SLC24A4: variants seen among roughly 807,000 people sequenced by gnomAD.
The protein encoded by SLC24A4 is solute carrier family 24 member 4.
Under a neutral mutation model 79.0 loss-of-function variants are expected in SLC24A4, and 53 were observed. That is an observed-to-expected ratio of 0.67 (90% CI 0.54 to 0.84). The LOEUF is 0.84. SLC24A4 is among the 40% of genes least tolerant of loss of function. SLC24A4 has a pLI of 0.00. For missense variants in SLC24A4, 731 were observed against 822.0 expected (o/e 0.89, Z 1.35); for synonymous variants, 323 against 323.8 (o/e 1.00, Z 0.03).
intron 12 of SLC24A4, among the ~76,000 whole-genome samples, chr14:92,473,489 G>A (rs931533137): frequency 6.6e-6 from 1 of 152,232 alleles, no homozygotes; most frequent in Non-Finnish European, 1.5e-5. Flanking sequence ...GGATTGAAAA[G>A]CTCCTCCCTG....
intron 12 of SLC24A4, among the ~76,000 whole-genome samples, chr14:92,460,198 A>AAT (rs1213927846): frequency 6.6e-6 from 1 of 151,554 alleles, no homozygotes; most frequent in Non-Finnish European, 1.5e-5. Flanking sequence ...CCTGGGTTCA[A>AAT]ATCTCAGTTC....
chr14:92,440,657 A>G (rs1342292068), intron 4 of SLC24A4, among the ~76,000 whole-genome samples: 1 of 151,910 alleles, frequency 6.6e-6, no homozygotes, highest in Non-Finnish European at 1.5e-5. Flanking sequence ...ATCCCTAAGG[A>G]TAGAGGTGAG....
chr14:92,366,215 A>G (rs1595170623), intron 2 of SLC24A4, among the ~76,000 whole-genome samples: 1 of 152,144 alleles, frequency 6.6e-6, no homozygotes. Context: ...CCCTGGGAGC[A>G]CCCGAACCAA....
intron 2 of SLC24A4, among the ~76,000 whole-genome samples, chr14:92,338,597 A>G (rs975248726): frequency 5.9e-5 from 9 of 152,236 alleles, no homozygotes; most frequent in African/African-American, 2.2e-4. Context: ...CTCATTTCAC[A>G]CTACAAATGT....
rs774866159 is a variant in SLC24A4 at position 92,442,754 on chromosome 14, G to A, written c.520G>A (p.Val174Met). The change falls in exon 6 of 17, where the codon GTG becomes ATG. Residue 174 changes from valine to methionine, a missense_variant. Physicochemically the swap from Val to Met is conservative, Grantham distance 21 (BLOSUM62 1). Transcript: ENST00000532405. Reference protein sequence around the residue: ...THGDVGVGTIVGSAVFNILCI... With the variant: ...THGDVGVGTIMGSAVFNILCI... ...TGGGGACGTCGGGGTGGGCACCATC[G>A]TGGGCTCTGCTGTGTTCAACATCCT... is the stretch of plus-strand genomic sequence containing the variant. 64 of 1,614,032 alleles carry A rather than the reference G, an allele frequency of 4.0e-5. No homozygotes were observed. Among genetic ancestry groups the A allele is most frequent in the Non-Finnish European group, 4.9e-5 (58 of 1,180,012 alleles).
At chr14:92,358,403 C>A (rs1350966802) in intron 2 of SLC24A4, among the ~76,000 whole-genome samples, 1 of 152,140 alleles carries the variant, frequency 6.6e-6, no homozygotes, top group East Asian at 1.9e-4. Context: ...ATCGAATAAT[C>A]TATTATTTGC....
intron 10 of SLC24A4, among the ~76,000 whole-genome samples, chr14:92,449,514 C>T (rs910816806): frequency 1.3e-5 from 2 of 152,144 alleles, no homozygotes; most frequent in Non-Finnish European, 2.9e-5. Flanking sequence ...CTGGGAAAGG[C>T]GTAAGGCCTG....
In SLC24A4 at chr14:92,461,111, C is replaced by G. The variant is rs1413589137; in HGVS notation, c.1255+4503C>G. Among the ~76,000 whole-genome samples, 3 of 152,196 alleles carry G rather than the reference C, an allele frequency of 2.0e-5. No homozygotes were observed. The East Asian group carries it at 5.8e-4, about 29-fold the overall frequency. ...GCCGCAGCCCAGCTGGGAAAGTCTC[C>G]TGGTGCAGCTTGTTTGCTTGTTGTG... On this transcript the variant is annotated intron_variant, in intron 12 of 16. Coordinates refer to ENST00000532405, the MANE Select transcript of SLC24A4 (RefSeq NM_153646.4).
rs780928031 is a variant in SLC24A4 at position 92,453,886 on chromosome 14, G to C, written c.881-14G>C. ...CAGAGAGATCAGCACTAATCACGGT[G>C]TTGCGCTCAACAGTGAAGGAGAAGC... is the stretch of plus-strand genomic sequence containing the variant. On this transcript the variant is annotated splice_polypyrimidine_tract_variant and intron_variant, in intron 10 of 16. Coordinates refer to ENST00000532405, the MANE Select transcript of SLC24A4 (RefSeq NM_153646.4). The C allele has an allele frequency of 6.2e-7, 1 of 1,603,774 alleles. No homozygotes were observed. Among genetic ancestry groups the C allele is most frequent in the Non-Finnish European group, 8.5e-7 (1 of 1,175,410 alleles).
At chr14:92,474,735 ATACGTATATATACG>A (rs1419640923) in intron 12 of SLC24A4, among the ~76,000 whole-genome samples, 5 of 8,804 alleles carry the variant, frequency 5.7e-4, no homozygotes, top group Non-Finnish European at 2.9e-3. Context: ...ACACGTATAT[ATACGTATATATACG>A]TGTGTGTATA....
intron 2 of SLC24A4, among the ~76,000 whole-genome samples, chr14:92,336,171 G>A: frequency 6.6e-6 from 1 of 151,894 alleles, no homozygotes. Flanking sequence ...GTTCCTTCCT[G>A]AGTTAAAAAT....
intron 12 of SLC24A4, among the ~76,000 whole-genome samples, chr14:92,475,645 CA>C (rs1302789556): frequency 1.3e-5 from 2 of 152,084 alleles, no homozygotes; most frequent in African/African-American, 4.8e-5. Context: ...GAGGGTTGCA[CA>C]GCACTAGCAA....
At chr14:92,378,350 C>G (rs758482417) in intron 2 of SLC24A4, among the ~76,000 whole-genome samples, 5 of 152,220 alleles carry the variant, frequency 3.3e-5, no homozygotes, top group Admixed American at 6.5e-5. Context: ...ATTTCATAGA[C>G]AGGGCCAAAT....
chr14:92,342,786 C>T (rs1886241563), intron 2 of SLC24A4, among the ~76,000 whole-genome samples: 2 of 152,252 alleles, frequency 1.3e-5, no homozygotes, highest in Admixed American at 1.3e-4. Flanking sequence ...TGGACTCCAC[C>T]TGCTATGCAG....
intron 10 of SLC24A4, chr14:92,453,634 C>G (rs994220636): frequency 7.7e-6 from 3 of 390,724 alleles, no homozygotes; most frequent in African/African-American, 6.3e-5. Flanking sequence ...AGAAGAGAGG[C>G]GAAAAGAGCA....
At chr14:92,354,894 C>T (rs1471171893) in intron 2 of SLC24A4, among the ~76,000 whole-genome samples, 5 of 152,046 alleles carry the variant, frequency 3.3e-5, no homozygotes, top group African/African-American at 9.7e-5. Flanking sequence ...GCCAACATGG[C>T]GAAACCCCAT....
At chr14:92,421,892 G>A (rs1891302823) in intron 2 of SLC24A4, among the ~76,000 whole-genome samples, 1 of 151,996 alleles carries the variant, frequency 6.6e-6, no homozygotes, top group Non-Finnish European at 1.5e-5. Context: ...AAAGCATTTG[G>A]AAAGGGGCCC....
At chr14:92,428,086 G>A (rs868709993) in intron 2 of SLC24A4, among the ~76,000 whole-genome samples, 1 of 152,226 alleles carries the variant, frequency 6.6e-6, no homozygotes, top group Non-Finnish European at 1.5e-5. Flanking sequence ...AGCTACCCCA[G>A]TTTATGATAT....
rs755331636 is a variant in SLC24A4, at chr14:92,491,663, A to C, written c.1538-2A>C. 6.3e-7 allele frequency: 1 copy of C among 1,599,852 alleles called. No homozygotes were observed. On this transcript the variant is annotated splice_acceptor_variant, in intron 14 of 16. Coordinates refer to ENST00000532405, the MANE Select transcript of SLC24A4 (RefSeq NM_153646.4). LOFTEE classifies it high-confidence loss of function. The stretch of plus-strand genomic sequence containing the variant: ...AAATAAATGTGTTGTTGTCCCCTGC[A>C]GGCCTTGGGGACATGGCAGTCTCCA...
Sources: gnomAD v4.1 joint callset for allele counts (sites outside exome capture counted in the v4.1 genomes callset) on GRCh38, gnomAD v4.1.1 for gene constraint, MANE v1.5 for transcripts, NCBI Gene and HGNC (gene_info 2026-07-23, HGNC 2026-07-21) for gene names.